SULT1E1: variants seen among roughly 807,000 people sequenced by gnomAD.
SULT1E1 encodes sulfotransferase family 1E member 1.
A neutral mutation model predicts 33.6 loss-of-function variants in SULT1E1; 36 were observed. The observed-to-expected ratio is 1.07, with a 90% CI of 0.82 to 1.41. SULT1E1 has a LOEUF of 1.41. Among genes scored for constraint, SULT1E1 ranks in the 40% most tolerant of loss-of-function variants. SULT1E1 has a pLI of 0.00. For missense variants in SULT1E1, 371 were observed against 345.7 expected (o/e 1.07, Z -0.58); for synonymous variants, 121 against 111.7 (o/e 1.08, Z -0.53).
Position 69,841,895 on chromosome 4 carries a change from C to A in SULT1E1, c.*99G>T. 2 of 634,694 alleles carry A rather than the reference C, an allele frequency of 3.2e-6. No individual in the cohort carries two copies. Among genetic ancestry groups the A allele is most frequent in the South Asian group, 2.2e-5 (1 of 44,816 alleles). The allele number at this position is 634,694 out of a possible 1,614,324, so 39.3% of individuals were successfully genotyped here. ...TTTAAAAAGAAAATGTCAACATAAT[C>A]CATGATTATGTCTTTTCTAGCAATC... is the stretch of plus-strand genomic sequence containing the variant. On this transcript the variant is annotated 3_prime_UTR_variant, in exon 8 of 8. Transcript: ENST00000226444.
At chr4:69,855,675 T>A (rs961798240) in intron 2 of SULT1E1, among the ~76,000 whole-genome samples, 1 of 152,216 alleles carries the variant, frequency 6.6e-6, no homozygotes, top group Non-Finnish European at 1.5e-5. Flanking sequence ...TTGTTCATGA[T>A]GAATTGTGAC....
At chr4:69,838,003 T>A (rs188414205), downstream of SULT1E1, among the ~76,000 whole-genome samples, 1 of 152,200 alleles carries the variant, frequency 6.6e-6, no homozygotes, top group African/African-American at 2.4e-5. Context: ...TTGTATGAGT[T>A]TGGTAGTATG....
the SULT1E1 span, among the ~76,000 whole-genome samples, chr4:69,827,820 A>G: frequency 9.9e-5 from 15 of 152,238 alleles, no homozygotes; most frequent in Non-Finnish European, 1.6e-4. Context: ...GAGAGGACAG[A>G]AAATGGAGCA....
In SULT1E1 at chr4:69,858,689, T is replaced by A. The variant is rs11573745; in HGVS notation, c.-9-1036A>T. Among the ~76,000 whole-genome samples the A allele has an allele frequency of 1.1e-4, 17 of 152,272 alleles. No homozygotes were observed. In the South Asian group the frequency reaches 3.5e-3, roughly 32 times the overall value. On this transcript the variant is annotated intron_variant, in intron 1 of 7. Transcript: ENST00000226444. ...CCTCTACATCATATCAGATGTAATG[T>A]CACCAAAAATATGAGATTTCTATTT... is the stretch of plus-strand genomic sequence containing the variant.
chr4:69,835,941 G>T, the SULT1E1 span, among the ~76,000 whole-genome samples: 33 of 152,228 alleles, frequency 2.2e-4, 1 homozygote, highest in African/African-American at 6.7e-4. Flanking sequence ...ACAGTTCCTG[G>T]CCTAGGCTTC....
chr4:69,839,261 A>G (rs938556956), downstream of SULT1E1, among the ~76,000 whole-genome samples: 1 of 152,218 alleles, frequency 6.6e-6, no homozygotes, highest in Non-Finnish European at 1.5e-5. Flanking sequence ...AAAGTCCAAG[A>G]GCATGCCATT....
chr4:69,851,565 G>A lies in SULT1E1; in HGVS notation c.370-2002C>T, dbSNP rs188847338. ...TTCAACCATTGTGGAAGTCAGTATG[G>A]CGATCCCTCAGGGATCTAGAACTAG... On this transcript the variant is annotated intron_variant, in intron 4 of 7. Coordinates refer to ENST00000226444, the MANE Select transcript of SULT1E1 (RefSeq NM_005420.3). Among the ~76,000 whole-genome samples the A allele has an allele frequency of 1.7e-3, 258 of 152,272 alleles. 1 individual carries two copies. The highest frequency in any genetic ancestry group is 5.9e-3 in the African/African-American group (247 of 41,550).
chr4:69,857,261 AG>A (rs1405911479), intron 2 of SULT1E1, among the ~76,000 whole-genome samples: 3 of 152,308 alleles, frequency 2.0e-5, no homozygotes, highest in Non-Finnish European at 4.4e-5. Context: ...CAGGTTCATT[AG>A]TATATATTAT....
At chr4:69,850,956 T>G (rs1210220510) in intron 4 of SULT1E1, among the ~76,000 whole-genome samples, 1 of 152,154 alleles carries the variant, frequency 6.6e-6, no homozygotes, top group African/African-American at 2.4e-5. Flanking sequence ...CCTGAAGATA[T>G]GACTTGCACT....
chr4:69,842,994 G>T (rs569131876), intron 7 of SULT1E1, among the ~76,000 whole-genome samples: 15 of 152,004 alleles, frequency 9.9e-5, no homozygotes, highest in African/African-American at 3.6e-4. Context: ...CCGCCACCAT[G>T]CCTGGCTAAT....
At chr4:69,844,002 A>G (rs1047986305) in intron 7 of SULT1E1, among the ~76,000 whole-genome samples, 159 bp downstream of exon 7, 2 of 152,214 alleles carry the variant, frequency 1.3e-5, no homozygotes, top group Non-Finnish European at 2.9e-5. Context: ...ATTGCAATGT[A>G]ATAGAAGTGT....
intron 4 of SULT1E1, among the ~76,000 whole-genome samples, chr4:69,853,183 T>C (rs901937453): frequency 2.0e-5 from 3 of 152,140 alleles, no homozygotes; most frequent in Non-Finnish European, 2.9e-5. Context: ...AATAATACTA[T>C]AAGATCTTGA....
chr4:69,830,393 A>G, the SULT1E1 span, among the ~76,000 whole-genome samples: 2 of 152,226 alleles, frequency 1.3e-5, no homozygotes, highest in African/African-American at 4.8e-5. Flanking sequence ...TGATGTATTT[A>G]CCATATGCTG....
chr4:69,827,701 C>T, the SULT1E1 span, among the ~76,000 whole-genome samples: 648 of 152,208 alleles, frequency 4.3e-3, 2 homozygotes, highest in Middle Eastern at 6.8e-3. Flanking sequence ...CTGGCAACCT[C>T]GGTGTTCTAT....
the SULT1E1 span, among the ~76,000 whole-genome samples, chr4:69,822,335 G>A: frequency 2.0e-5 from 3 of 152,146 alleles, no homozygotes; most frequent in African/African-American, 7.2e-5. Flanking sequence ...AGGAGACATT[G>A]GTGGCTCACA....
At chr4:69,846,304 T>TAAAAAAAAAAA (rs1720974501) in intron 6 of SULT1E1, among the ~76,000 whole-genome samples, 3 of 20,990 alleles carry the variant, frequency 1.4e-4, no homozygotes, top group East Asian at 1.3e-3. Flanking sequence ...AACAAAACAA[T>TAAAAAAAAAAA]CAAAAAAAAA....
intron 4 of SULT1E1, among the ~76,000 whole-genome samples, chr4:69,852,447 G>C (rs1325233461): frequency 3.9e-5 from 6 of 152,014 alleles, no homozygotes; most frequent in African/African-American, 1.4e-4. Flanking sequence ...GAATTATCCT[G>C]AGCCATAATC....
downstream of SULT1E1, chr4:69,838,526 G>A (rs777334894): frequency 6.6e-6 from 1 of 152,114 alleles, no homozygotes; most frequent in Non-Finnish European, 1.5e-5. Context: ...AGCAGAAGGA[G>A]GTCTTTTATG....
the SULT1E1 span, among the ~76,000 whole-genome samples, chr4:69,835,898 C>T: frequency 2.0e-5 from 3 of 152,242 alleles, no homozygotes; most frequent in Admixed American, 2.0e-4. Context: ...CCCTCCTTGG[C>T]GTCCCAGTGT....
Sources: allele counts gnomAD v4.1 joint callset (sites outside exome capture counted in the v4.1 genomes callset), GRCh38; gene constraint gnomAD v4.1.1; transcripts MANE v1.5; gene names NCBI Gene and HGNC (gene_info 2026-07-23, HGNC 2026-07-21).